Variants in ARHGAP15 observed in about 807,000 individuals in gnomAD.
ARHGAP15 encodes Rho GTPase activating protein 15.
ARHGAP15 carries 51 observed loss-of-function variants against 63.7 expected under a neutral mutation model. That is an observed-to-expected ratio of 0.80 (90% CI 0.64 to 1.01). ARHGAP15 has a LOEUF of 1.01. Ranked by LOEUF, ARHGAP15 falls within the 50% of genes least tolerant of loss-of-function variation. The probability of loss-of-function intolerance (pLI) is 0.00; values close to 1 mark genes in which losing one functional copy is unlikely to be tolerated. For missense variants in ARHGAP15, 560 were observed against 564.6 expected, an observed-to-expected ratio of 0.99 and a Z score of 0.08; for synonymous variants, 191 against 193.8, an observed-to-expected ratio of 0.99 and a Z score of 0.12.
intron 6 of ARHGAP15, among the ~76,000 whole-genome samples, chr2:143,368,994 T>C (rs1285518009): frequency 6.6e-6 from 1 of 152,090 alleles, no homozygotes; most frequent in Non-Finnish European, 1.5e-5. Flanking sequence ...AGAATGATAC[T>C]TTCTTTATTG....
intron 12 of ARHGAP15, among the ~76,000 whole-genome samples, chr2:143,634,116 T>G (rs1262921505): frequency 6.6e-6 from 1 of 152,088 alleles, no homozygotes; most frequent in Non-Finnish European, 1.5e-5. Flanking sequence ...GGTCTCCAAC[T>G]TCATCATTTA....
intron 6 of ARHGAP15, among the ~76,000 whole-genome samples, chr2:143,362,476 G>T (rs2105338491): frequency 6.6e-6 from 1 of 152,258 alleles, no homozygotes; most frequent in Admixed American, 6.5e-5. Flanking sequence ...CCCAGGGATT[G>T]ATCTTCAACC....
At chr2:143,551,885 C>G (rs1695581971) in intron 10 of ARHGAP15, among the ~76,000 whole-genome samples, 2 of 152,112 alleles carry the variant, frequency 1.3e-5, no homozygotes, top group Non-Finnish European at 2.9e-5. Context: ...AATAAGCTAG[C>G]AAGAAAATGT....
At chr2:143,189,686 T>C (rs1056374655) in intron 2 of ARHGAP15, among the ~76,000 whole-genome samples, 3 of 152,136 alleles carry the variant, frequency 2.0e-5, no homozygotes, top group Non-Finnish European at 4.4e-5. Flanking sequence ...GGTATCGAAC[T>C]CCTGACCTCA....
At chr2:143,582,761 C>G (rs1370093965) in intron 11 of ARHGAP15, among the ~76,000 whole-genome samples, 1 of 152,212 alleles carries the variant, frequency 6.6e-6, no homozygotes, top group African/African-American at 2.4e-5. Flanking sequence ...TGGCATCTCT[C>G]TTTCCCCAAA....
intron 12 of ARHGAP15, among the ~76,000 whole-genome samples, chr2:143,625,094 T>G (rs1456168677): frequency 6.6e-6 from 1 of 152,124 alleles, no homozygotes; most frequent in Non-Finnish European, 1.5e-5. Context: ...TTGGAAAAAG[T>G]TTCCTGGCAA....
intron 6 of ARHGAP15, 109 bp downstream of exon 6, chr2:143,250,709 CGTT>C (rs1171142113): frequency 2.1e-5 from 18 of 844,180 alleles, no homozygotes; most frequent in Non-Finnish European, 3.3e-5. Context: ...TACATGAACT[CGTT>C]GTCTGAAGGT....
Position 143,202,180 on chromosome 2 carries a change from T to A in ARHGAP15, c.212T>A (p.Val71Asp). 2 of 1,612,046 alleles carry A rather than the reference T, an allele frequency of 1.2e-6. No individual in the cohort carries two copies. Among genetic ancestry groups the A allele is most frequent in the Non-Finnish European group, 1.7e-6 (2 of 1,178,440 alleles). The change falls in exon 3 of 14, where the codon GTC (valine) becomes GAC (aspartate). Residue 71 changes from valine (V) to aspartate (D), a missense_variant. Physicochemically the swap from Val to Asp is radical, Grantham distance 152. Transcript: ENST00000295095. ...RNHSQHILKD[V>D]IPPLEQLMVE... ...CATTCACAGCATATCTTGAAAGATG[T>A]CATTCCTCCATTGGAACAACTGGTG...
At chr2:143,719,056 C>T (rs769739201) in intron 13 of ARHGAP15, among the ~76,000 whole-genome samples, 7 of 152,214 alleles carry the variant, frequency 4.6e-5, no homozygotes, top group Non-Finnish European at 8.8e-5. Flanking sequence ...TCTTCTTTCT[C>T]ATTTCAAAGA....
At chr2:143,735,740 G>C (rs1019325025) in intron 13 of ARHGAP15, among the ~76,000 whole-genome samples, 1 of 152,012 alleles carries the variant, frequency 6.6e-6, no homozygotes, top group Non-Finnish European at 1.5e-5. Context: ...GCAAGAAGAA[G>C]AAGAATGACT....
intron 11 of ARHGAP15, chr2:143,601,484 T>C (rs1231241012): frequency 1.3e-5 from 2 of 152,158 alleles, no homozygotes; most frequent in Non-Finnish European, 2.9e-5. Flanking sequence ...GAGGGCAGAA[T>C]CTGCCTAGCT....
At chr2:143,164,296 G>A (rs1558786445) in intron 2 of ARHGAP15, among the ~76,000 whole-genome samples, 1 of 152,046 alleles carries the variant, frequency 6.6e-6, no homozygotes, top group Non-Finnish European at 1.5e-5. Flanking sequence ...AAACTGATAA[G>A]CAGAACCATC....
chr2:143,164,168 T>C (rs1439000162), intron 2 of ARHGAP15, among the ~76,000 whole-genome samples: 1 of 152,076 alleles, frequency 6.6e-6, no homozygotes, highest in African/African-American at 2.4e-5. Context: ...ACCATCTGTT[T>C]AATTATCCTC....
chr2:143,624,023 A>G, intron 11 of ARHGAP15, 110 bp from the exon 12 acceptor site: 2 of 1,331,090 alleles, frequency 1.5e-6, no homozygotes, highest in South Asian at 1.4e-5. Context: ...CTAGGTGCAG[A>G]AGGCTGTTAA....
At chr2:143,586,330 C>T (rs1697106568) in intron 11 of ARHGAP15, among the ~76,000 whole-genome samples, 1 of 151,992 alleles carries the variant, frequency 6.6e-6, no homozygotes, top group South Asian at 2.1e-4. Context: ...CAAAACTTTT[C>T]TTCTATTACA....
intron 2 of ARHGAP15, among the ~76,000 whole-genome samples, chr2:143,180,989 A>G (rs1261598776): frequency 4.6e-5 from 7 of 152,184 alleles, no homozygotes; most frequent in Admixed American, 4.6e-4. Flanking sequence ...TATTTCTTAA[A>G]TAACAAAACT....
intron 12 of ARHGAP15, among the ~76,000 whole-genome samples, chr2:143,689,980 A>G (rs1451441885): frequency 6.6e-6 from 1 of 152,242 alleles, no homozygotes. Context: ...GAGAAGGGGC[A>G]GAAGGGAAGC....
intron 6 of ARHGAP15, among the ~76,000 whole-genome samples, chr2:143,335,320 T>C (rs766647730): frequency 2.0e-5 from 3 of 152,198 alleles, no homozygotes; most frequent in Non-Finnish European, 4.4e-5. Flanking sequence ...CCCAGTATAT[T>C]TCACAATAAT....
chr2:143,302,737 G>A (rs1472244024), intron 6 of ARHGAP15, among the ~76,000 whole-genome samples: 1 of 151,846 alleles, frequency 6.6e-6, no homozygotes, highest in African/African-American at 2.4e-5. Context: ...GTGAATTCAG[G>A]AGGAATAGTC....
Sources: gnomAD v4.1 joint callset for allele counts (sites outside exome capture counted in the v4.1 genomes callset) on GRCh38, gnomAD v4.1.1 for gene constraint, MANE v1.5 for transcripts, NCBI Gene and HGNC (gene_info 2026-07-23, HGNC 2026-07-21) for gene names.